MAK: variants seen among roughly 807,000 people sequenced by gnomAD.
MAK encodes serine/threonine-protein kinase MAK.
Under a neutral mutation model 82.6 loss-of-function variants are expected in MAK, and 65 were observed. The observed-to-expected ratio is 0.79, with a 90% CI of 0.64 to 0.97. MAK has a LOEUF of 0.97. Among genes scored for constraint, MAK ranks in the 50% least tolerant of loss-of-function variants. The probability of loss-of-function intolerance (pLI) is 0.00; values close to 1 mark genes in which losing one functional copy is unlikely to be tolerated. For synonymous variants in MAK, 250 were observed against 274.2 expected (o/e 0.91, Z 0.87); for missense variants, 703 against 780.2 (o/e 0.90, Z 1.18).
At chr6:10,815,912 G>GTGTATA (rs1554184483) in intron 4 of MAK, among the ~76,000 whole-genome samples, 2 of 108,322 alleles carry the variant, frequency 1.8e-5, no homozygotes, top group Non-Finnish European at 3.5e-5. Flanking sequence ...GCTTTATACA[G>GTGTATA]TATATATATA....
At chr6:10,788,732 T>C (rs760971947) in intron 10 of MAK, among the ~76,000 whole-genome samples, 4 of 151,904 alleles carry the variant, frequency 2.6e-5, no homozygotes, top group Admixed American at 6.6e-5. Context: ...CGACATTCCG[T>C]CTCAAAAAGA....
In MAK at chr6:10,764,432, G is replaced by C. The variant is rs2061209115; in HGVS notation, c.*20C>G. On this transcript the variant is annotated 3_prime_UTR_variant, in exon 15 of 15. Transcript: ENST00000354489. ...ACGTACTCTACGGAGCAATGCTGTAGGGTTTCACACCATAGACTCCTACCG... is the reference window on the plus strand; with the variant it reads ...ACGTACTCTACGGAGCAATGCTGTACGGTTTCACACCATAGACTCCTACCG... 6.2e-7 allele frequency: 1 copy of C among 1,612,530 alleles called. No individual in the cohort carries two copies. The highest frequency in any genetic ancestry group is 1.3e-5 in the African/African-American group (1 of 74,884).
At chr6:10,820,549 T>G (rs907209137) in intron 2 of MAK, among the ~76,000 whole-genome samples, 35 of 152,226 alleles carry the variant, frequency 2.3e-4, no homozygotes, top group Admixed American at 6.5e-5. Flanking sequence ...GCAAACTGCT[T>G]AGTTCAGCAC....
chr6:10,776,245 A>G lies in MAK; in HGVS notation c.1466-786T>C, dbSNP rs545777895. ...AAACGCTTATTTGTATATGAGATAC[A>G]GTAAAATGGAAACAGTTTATCCCCT... On this transcript the variant is annotated intron_variant, in intron 11 of 14. Transcript: ENST00000354489. This position sits in a 1 kb window ranked among gnomAD's most constrained non-coding sequence, Gnocchi z 4.3. 6.2e-4 allele frequency among the ~76,000 whole-genome samples: 95 copies of G among 152,344 alleles called. No individual in the cohort carries two copies. Among genetic ancestry groups the G allele is most frequent in the Non-Finnish European group, 1.1e-3 (75 of 68,038 alleles).
chr6:10,803,938 A>T, intron 6 of MAK, 47 bp from the exon 7 acceptor site: 1 of 1,530,308 alleles, frequency 6.5e-7, no homozygotes, highest in Non-Finnish European at 9.0e-7. Flanking sequence ...GCAATTTCAA[A>T]GGTGGATGGG....
Position 10,791,841 on chromosome 6 carries a change from T to C in MAK, c.1150A>G (p.Asn384Asp), listed in dbSNP as rs1321506339. ...CCACTTTTATGACTCAGTGTGCCAT[T>C]TGGCTTCTGTGGTGGAAAATCAGTC... ...SIVKNMPTKP[N>D]GTLSHKSGRR... The change falls in exon 10 of 15, where the codon AAT (asparagine) becomes GAT (aspartate). Residue 384 changes from asparagine to aspartate, a missense_variant. Transcript: ENST00000354489. 2 of 1,614,150 alleles carry C rather than the reference T, an allele frequency of 1.2e-6. No homozygotes were observed. Among genetic ancestry groups the C allele is most frequent in the South Asian group, 1.1e-5 (1 of 91,080 alleles).
Position 10,812,866 on chromosome 6 carries a change from C to T in MAK, c.358+778G>A, listed in dbSNP as rs560291277. 5.0e-4 allele frequency among the ~76,000 whole-genome samples: 75 copies of T among 150,922 alleles called. 1 individual carries two copies. The highest frequency in any genetic ancestry group is 3.1e-3 in the Admixed American group (46 of 15,020). On this transcript the variant is annotated intron_variant, in intron 5 of 14. Coordinates refer to ENST00000354489, the MANE Select transcript of MAK (RefSeq NM_001242957.3). ...GCAATCTCTGCCTCCTGCGTTCAAG[C>T]GATTCTCCTGCCTCAGACTCTCAAG...
At chr6:10,817,731 G>C in intron 4 of MAK, 119 bp downstream of exon 4, 2 of 798,668 alleles carry the variant, frequency 2.5e-6, no homozygotes, top group South Asian at 1.7e-5. Context: ...TAACAGAACT[G>C]GTTAATTTAA....
intron 8 of MAK, chr6:10,797,472 C>A (rs1434505729): frequency 4.6e-6 from 2 of 437,378 alleles, no homozygotes; most frequent in Non-Finnish European, 6.1e-6. Flanking sequence ...GCTAACTATC[C>A]CATAATGCAC....
intron 10 of MAK, chr6:10,784,900 A>G (rs1774391943): frequency 2.0e-6 from 1 of 505,160 alleles, no homozygotes; most frequent in African/African-American, 1.9e-5. Flanking sequence ...CTGAGAGGGA[A>G]ATAACAGCCA....
intron 7 of MAK, 165 bp from the exon 8 acceptor site, chr6:10,802,224 G>C (rs1776071056): frequency 1.7e-6 from 1 of 599,526 alleles, no homozygotes; most frequent in African/African-American, 1.9e-5. Flanking sequence ...CTATAATTTA[G>C]TGCTACGACA....
At chr6:10,804,669 A>G (rs1349301679) in intron 6 of MAK, among the ~76,000 whole-genome samples, 1 of 152,178 alleles carries the variant, frequency 6.6e-6, no homozygotes, top group Non-Finnish European at 1.5e-5. Flanking sequence ...TGAGAAAAAT[A>G]CTCAATTTAC....
chr6:10,805,031 G>A (rs1210990138), intron 6 of MAK, among the ~76,000 whole-genome samples: 1 of 147,158 alleles, frequency 6.8e-6, no homozygotes, highest in African/African-American at 2.5e-5. Flanking sequence ...GAACTGGGGT[G>A]CCTGTGTGGC....
At chr6:10,833,531 G>A (rs1369225487) in intron 1 of MAK, among the ~76,000 whole-genome samples, 1 of 151,978 alleles carries the variant, frequency 6.6e-6, no homozygotes, top group Admixed American at 6.6e-5. Context: ...CTTGAACCTG[G>A]GAGGCGGAGG....
At chr6:10,825,918 T>C (rs189745369) in intron 2 of MAK, among the ~76,000 whole-genome samples, 10 of 152,296 alleles carry the variant, frequency 6.6e-5, no homozygotes, top group Non-Finnish European at 1.5e-4. Flanking sequence ...GTATTGACCT[T>C]CTAACTGGCC....
At chr6:10,787,288 C>G (rs1561950208) in intron 10 of MAK, among the ~76,000 whole-genome samples, 1 of 152,218 alleles carries the variant, frequency 6.6e-6, no homozygotes, top group African/African-American at 2.4e-5. Context: ...ACAAATCCAA[C>G]AATTCACCAA....
At chr6:10,804,898 G>GA (rs916920605) in intron 6 of MAK, among the ~76,000 whole-genome samples, 28 of 151,006 alleles carry the variant, frequency 1.9e-4, no homozygotes, top group African/African-American at 6.1e-4. Context: ...TGATGAGAAA[G>GA]AAAAAAAAAG....
intron 2 of MAK, among the ~76,000 whole-genome samples, chr6:10,828,774 G>A (rs1778561597): frequency 6.6e-6 from 1 of 151,882 alleles, no homozygotes; most frequent in African/African-American, 2.4e-5. Flanking sequence ...CAGCCTGGGC[G>A]ACAGAATGGA....
intron 1 of MAK, among the ~76,000 whole-genome samples, chr6:10,834,672 G>A (rs532007396): frequency 1.4e-4 from 22 of 152,286 alleles, no homozygotes; most frequent in African/African-American, 5.3e-4. Context: ...CTACATCTGG[G>A]TCATTCAGAC....
Sources: allele counts gnomAD v4.1 joint callset (sites outside exome capture counted in the v4.1 genomes callset), GRCh38; gene constraint gnomAD v4.1.1; non-coding constraint Gnocchi (gnomAD v3.1); transcripts MANE v1.5; gene names NCBI Gene and HGNC (gene_info 2026-07-23, HGNC 2026-07-21).